HEXA: variants seen among roughly 807,000 people sequenced by gnomAD.
The protein encoded by HEXA is beta-hexosaminidase subunit alpha.
A neutral mutation model predicts 73.3 loss-of-function variants in HEXA; 54 were observed. The observed-to-expected ratio is 0.74, with a 90% CI of 0.59 to 0.92. HEXA has a LOEUF of 0.92. Ranked by LOEUF, HEXA falls within the 40% of genes least tolerant of loss-of-function variation. The probability of loss-of-function intolerance (pLI) is 0.00; values close to 1 mark genes in which losing one functional copy is unlikely to be tolerated. For missense variants in HEXA, 649 were observed against 653.0 expected, an observed-to-expected ratio of 0.99 and a Z score of 0.07; for synonymous variants, 230 against 246.9, an observed-to-expected ratio of 0.93 and a Z score of 0.64.
intron 7 of HEXA, chr15:72,350,210 C>T (rs2088676750): frequency 2.4e-6 from 1 of 412,578 alleles, no homozygotes; most frequent in Admixed American, 3.6e-5. Flanking sequence ...TGCCCTTGGG[C>T]TTCTTTCTTT....
Position 72,341,251 on chromosome 15 carries a change from T to C in HEXA, c.*2826A>G, listed in dbSNP as rs2088552245. On this transcript the variant is annotated 3_prime_UTR_variant, in exon 14 of 14. Coordinates refer to ENST00000268097, the MANE Select transcript of HEXA (RefSeq NM_000520.6). The stretch of plus-strand genomic sequence containing the variant: ...CACTGTCCCAGAAGTCTAGGGGCAA[T>C]GACTCTCCATCACTAGTGCTGTGGT... 6.6e-6 allele frequency: 1 copy of C among 152,176 alleles called. No homozygotes were observed. The highest frequency in any genetic ancestry group is 6.5e-5 in the Admixed American group (1 of 15,280). 9.4% of individuals were successfully genotyped at this position (152,176 alleles called of 1,614,324 possible). A position where few individuals can be genotyped will look rare whatever the true frequency, so the allele number is the denominator to read the frequency against.
chr15:72,346,380 C>G (rs2088614173), intron 11 of HEXA, 55 bp from the exon 12 acceptor site: 2 of 1,530,240 alleles, frequency 1.3e-6, no homozygotes, highest in South Asian at 2.2e-5. Flanking sequence ...TCCAGGGTCC[C>G]TCTCAACCAC....
chr15:72,346,173 T>A, intron 12 of HEXA, 62 bp downstream of exon 12: 1 of 1,213,268 alleles, frequency 8.2e-7, no homozygotes, highest in East Asian at 2.4e-5. Flanking sequence ...TGGGATTGGG[T>A]CTCTAAGGGA....
intron 13 of HEXA, chr15:72,345,127 TA>T: frequency 2.6e-6 from 1 of 377,710 alleles, no homozygotes; most frequent in Non-Finnish European, 5.0e-6. Flanking sequence ...GTCCCTTATA[TA>T]AAAATGACAT....
At chr15:72,374,090 T>C (rs912829609) in intron 1 of HEXA, among the ~76,000 whole-genome samples, 2 of 56,660 alleles carry the variant, frequency 3.5e-5, no homozygotes, top group Non-Finnish European at 1.5e-4. Flanking sequence ...GAGAATCTTA[T>C]AATTCACTGT....
chr15:72,371,299 C>A (rs1431781780), intron 1 of HEXA, among the ~76,000 whole-genome samples: 1 of 152,162 alleles, frequency 6.6e-6, no homozygotes, highest in Non-Finnish European at 1.5e-5. Context: ...GAAAGGTAAT[C>A]CTCAATGAAA....
Position 72,369,532 on chromosome 15 carries a change from T to TTTTG in HEXA, c.253+6184_253+6187dup, listed in dbSNP as rs573023919. ...CTTTCTTTTGTTTTTGTTTCTAGGTTTTTGTTTGTTTGTTTGTTTGTTTGA... is the reference window on the plus strand; with the variant it reads ...CTTTCTTTTGTTTTTGTTTCTAGGTTTTTGTTTGTTTGTTTGTTTGTTTGTTTGA... On this transcript the variant is annotated intron_variant, in intron 1 of 13. Coordinates refer to ENST00000268097, the MANE Select transcript of HEXA (RefSeq NM_000520.6). Among the ~76,000 whole-genome samples the TTTTG allele has an allele frequency of 4.2e-3, 636 of 152,260 alleles. 5 individuals carry two copies. The highest frequency in any genetic ancestry group is 0.014 in the African/African-American group (590 of 41,550).
Position 72,343,791 on chromosome 15 carries a change from T to G in HEXA, c.*286A>C, listed in dbSNP as rs1019249372. On this transcript the variant is annotated 3_prime_UTR_variant, in exon 14 of 14. Coordinates refer to ENST00000268097, the MANE Select transcript of HEXA (RefSeq NM_000520.6). The stretch of plus-strand genomic sequence containing the variant: ...TAGGTTTCATTCCCAGCCCTCAACT[T>G]AAAAGACCTCAGGGGCAGACACTGA... 83 of 410,064 alleles carry G rather than the reference T, an allele frequency of 2.0e-4. 1 individual carries two copies. Among genetic ancestry groups the G allele is most frequent in the African/African-American group, 1.4e-3 (67 of 48,606 alleles). 25.4% of individuals were successfully genotyped at this position (410,064 alleles called of 1,614,324 possible).
intron 2 of HEXA, 179 bp from the exon 3 acceptor site, chr15:72,355,803 T>G: frequency 3.2e-6 from 2 of 634,476 alleles, no homozygotes; most frequent in South Asian, 3.1e-5. Flanking sequence ...TGGCCTGGTC[T>G]GGGGCCAGAG....
At position 72,348,664 on chromosome 15, in the gene HEXA, A is replaced by G. The variant is rs192794313; in HGVS notation, c.986+415T>C. Among the ~76,000 whole-genome samples, 236 of 151,692 alleles carry G rather than the reference A, an allele frequency of 1.6e-3. 2 individuals carry two copies. The highest frequency in any genetic ancestry group is 5.2e-3 in the Admixed American group (80 of 15,274). On this transcript the variant is annotated intron_variant, in intron 8 of 13. Transcript: ENST00000268097. The stretch of plus-strand genomic sequence containing the variant: ...CAAAGAAGCCCCTCAGCCTCTTTTG[A>G]GCTTACTAGAACCAAGGGTTTGGAC...
chr15:72,373,441 G>A (rs1047363343), intron 1 of HEXA, among the ~76,000 whole-genome samples: 4 of 152,210 alleles, frequency 2.6e-5, no homozygotes, highest in African/African-American at 7.2e-5. Flanking sequence ...GAGCAATAGA[G>A]AAAGAAGTTA....
intron 5 of HEXA, chr15:72,351,509 C>T: frequency 3.8e-6 from 2 of 527,372 alleles, no homozygotes; most frequent in South Asian, 4.2e-5. Context: ...ATTCTGGCCA[C>T]ATTAAGAGGA....
At chr15:72,364,701 T>G (rs956835025) in intron 1 of HEXA, among the ~76,000 whole-genome samples, 3 of 152,180 alleles carry the variant, frequency 2.0e-5, no homozygotes, top group African/African-American at 4.8e-5. Context: ...GGCCCATCTC[T>G]CCACATCTTT....
rs533004263 is a variant in HEXA at position 72,350,560 on chromosome 15, C to T, written c.763G>A (p.Ala255Thr). The T allele has an allele frequency of 1.2e-6, 2 of 1,614,028 alleles. No homozygotes were observed. The highest frequency in any genetic ancestry group is 1.7e-6 in the Non-Finnish European group (2 of 1,180,026). Residue 255 changes from alanine to threonine, a missense_variant, in exon 7 of 14, where the codon GCA becomes ACA. Physicochemically the swap from Ala to Thr is moderately conservative, Grantham distance 58 (BLOSUM62 0). Transcript: ENST00000268097. ...YARLRGIRVL[A>T]EFDTPGHTLS... is the part of the protein sequence containing the mutation. Reference sequence around the variant, plus strand: ...GTGTGGCCAGGAGTGTCAAACTCTGCAAGCACACGGATACCCCGGAGCCGT... The same window carrying T: ...GTGTGGCCAGGAGTGTCAAACTCTGTAAGCACACGGATACCCCGGAGCCGT...
intron 3 of HEXA, 153 bp from the exon 4 acceptor site, chr15:72,353,890 A>G: frequency 1.4e-6 from 1 of 691,686 alleles, no homozygotes; most frequent in Non-Finnish European, 2.7e-6. Context: ...ACTGATGAAA[A>G]GGGGATATTA....
intron 13 of HEXA, 82 bp downstream of exon 13, chr15:72,345,364 T>C: frequency 1.3e-6 from 2 of 1,588,042 alleles, no homozygotes; most frequent in Non-Finnish European, 1.7e-6. Context: ...CTATTGTTAA[T>C]TATTGTCTTC....
At chr15:72,346,349 G>A in intron 11 of HEXA, 24 bp from the exon 12 acceptor site, 3 of 1,593,072 alleles carry the variant, frequency 1.9e-6, no homozygotes, top group Non-Finnish European at 2.6e-6. Context: ...AGCAACAACA[G>A]TCTGGTGATG....
intron 12 of HEXA, 193 bp downstream of exon 12, chr15:72,346,042 G>C (rs1316090434): frequency 4.8e-6 from 3 of 618,790 alleles, no homozygotes; most frequent in Admixed American, 5.5e-5. Flanking sequence ...AGGGCAGCTG[G>C]AGGGATATAG....
intron 7 of HEXA, 42 bp downstream of exon 7, chr15:72,350,476 C>T: frequency 6.2e-7 from 1 of 1,607,032 alleles, no homozygotes. Flanking sequence ...TCACTCTGAG[C>T]ATAACAAGCA....
Sources: gnomAD v4.1 joint callset for allele counts (sites outside exome capture counted in the v4.1 genomes callset) on GRCh38, gnomAD v4.1.1 for gene constraint, MANE v1.5 for transcripts, NCBI Gene and HGNC (gene_info 2026-07-23, HGNC 2026-07-21) for gene names.